The following GABRB1 variants were observed in gnomAD, a reference collection of about 807,000 sequenced individuals.
The protein encoded by GABRB1 is gamma-aminobutyric acid receptor subunit beta-1.
Under a neutral mutation model 51.6 loss-of-function variants are expected in GABRB1, and 17 were observed. The observed-to-expected ratio is 0.33, with a 90% CI of 0.23 to 0.49. The LOEUF (loss-of-function observed/expected upper bound fraction) is 0.49, where lower values mean the gene tolerates loss of function less well. Ranked by LOEUF, GABRB1 falls within the 20% of genes least tolerant of loss-of-function variation. The pLI, the probability that GABRB1 is intolerant of heterozygous loss-of-function variation, is 0.99. For missense variants in GABRB1, 410 were observed against 600.6 expected (o/e 0.68, Z 3.32); for synonymous variants, 247 against 218.9 (o/e 1.13, Z -1.14).
intron 1 of GABRB1, among the ~76,000 whole-genome samples, chr4:47,002,026 G>A (rs1036056557): frequency 6.6e-6 from 1 of 152,094 alleles, no homozygotes; most frequent in Admixed American, 6.5e-5. Flanking sequence ...CATGATATGT[G>A]AACCATTATA....
chr4:47,330,726 AT>A (rs1725448457), intron 5 of GABRB1, among the ~76,000 whole-genome samples: 1 of 152,184 alleles, frequency 6.6e-6, no homozygotes, highest in Non-Finnish European at 1.5e-5. Context: ...AGTTTATTAA[AT>A]TTAGTTACAT....
chr4:47,245,808 G>A (rs796328653), intron 4 of GABRB1, among the ~76,000 whole-genome samples: 34 of 147,466 alleles, frequency 2.3e-4, no homozygotes, highest in African/African-American at 7.2e-4. Context: ...TGGTCTTTTC[G>A]TTTTTCTTTT....
At chr4:47,272,760 A>G (rs915987732) in intron 4 of GABRB1, among the ~76,000 whole-genome samples, 5 of 152,178 alleles carry the variant, frequency 3.3e-5, no homozygotes, top group African/African-American at 1.2e-4. Context: ...AAATTTATTT[A>G]ACTACTAATC....
At chr4:47,043,835 C>A (rs1396954903) in intron 3 of GABRB1, among the ~76,000 whole-genome samples, 1 of 152,042 alleles carries the variant, frequency 6.6e-6, no homozygotes, top group African/African-American at 2.4e-5. Context: ...TTGATTCCTG[C>A]AGAAATGTAG....
At chr4:47,261,389 A>G (rs1467990432) in intron 4 of GABRB1, among the ~76,000 whole-genome samples, 1 of 152,200 alleles carries the variant, frequency 6.6e-6, no homozygotes, top group Non-Finnish European at 1.5e-5. Context: ...GCATTCTTAT[A>G]CACCAATAAC....
intron 5 of GABRB1, among the ~76,000 whole-genome samples, chr4:47,323,639 A>G (rs944842715): frequency 6.6e-6 from 1 of 152,174 alleles, no homozygotes; most frequent in African/African-American, 2.4e-5. Flanking sequence ...GTAAGATTGA[A>G]CCAATCGTAC....
At chr4:47,313,079 T>C (rs10014529) in intron 4 of GABRB1, among the ~76,000 whole-genome samples, 150,217 of 152,280 alleles carry the variant, frequency 0.99, 74,101 homozygotes, top group East Asian at 1. Context: ...CATGAGACCA[T>C]AGTTTCTAAC....
At chr4:47,279,644 T>G (rs1400329106) in intron 4 of GABRB1, among the ~76,000 whole-genome samples, 1 of 152,134 alleles carries the variant, frequency 6.6e-6, no homozygotes, top group Admixed American at 6.6e-5. Context: ...AAGTAACCCC[T>G]GATTATATAA....
intron 5 of GABRB1, among the ~76,000 whole-genome samples, chr4:47,322,235 A>G (rs1468528178): frequency 3.3e-5 from 5 of 152,220 alleles, no homozygotes; most frequent in Admixed American, 3.3e-4. Flanking sequence ...GCAGTTTAGC[A>G]AGATGCAACT....
chr4:47,021,821 T>C lies in GABRB1; in HGVS notation c.-19-10093T>C, dbSNP rs1426800433. On this transcript the variant is annotated intron_variant, in intron 1 of 3. Coordinates refer to the GABRB1 transcript ENST00000513567. Reference sequence around the variant, plus strand: ...TACTTTTCCCATCTGCTCCTCCTTTTAAGAAATCAAAAAAATAATAATATT... The same window carrying C: ...TACTTTTCCCATCTGCTCCTCCTTTCAAGAAATCAAAAAAATAATAATATT... 9.2e-5 allele frequency among the ~76,000 whole-genome samples: 14 copies of C among 152,034 alleles called. No individual in the cohort carries two copies. The East Asian group carries it at 2.7e-3, about 29-fold the overall frequency.
chr4:47,203,682 G>T (rs183575597), intron 4 of GABRB1, among the ~76,000 whole-genome samples: 4 of 152,038 alleles, frequency 2.6e-5, no homozygotes, highest in Admixed American at 6.6e-5. Flanking sequence ...CACAGGGATG[G>T]CACACAGCAT....
intron 4 of GABRB1, among the ~76,000 whole-genome samples, chr4:47,231,719 T>C (rs764990139): frequency 4.6e-5 from 7 of 152,360 alleles, no homozygotes; most frequent in Middle Eastern, 6.8e-3. Context: ...GCTTACACCA[T>C]GCCTGGAACA....
rs565512184 is a variant in GABRB1, at chr4:47,117,732, TC to T, written c.241-43516del. 2.6e-4 allele frequency among the ~76,000 whole-genome samples: 39 copies of T among 152,340 alleles called. No homozygotes were observed. The East Asian group carries it at 6.9e-3, about 27-fold the overall frequency. On this transcript the variant is annotated intron_variant, in intron 3 of 8. Transcript: ENST00000295454. ...TAAAATACTGTTGAATTTCAAAATA[TC>T]TTTTTATATAATAAAGGTTGGTTAT...
At chr4:47,407,457 G>A (rs1360924107) in intron 8 of GABRB1, among the ~76,000 whole-genome samples, 2 of 152,140 alleles carry the variant, frequency 1.3e-5, no homozygotes, top group African/African-American at 4.8e-5. Flanking sequence ...TAAGAACTCT[G>A]TTTTTCTCAT....
Position 47,161,338 on chromosome 4 carries a change from T to C in GABRB1, c.330T>C (p.Asn110=), listed in dbSNP as rs1382573587. Residue 110 remains asparagine, a synonymous_variant, in exon 4 of 9, where the codon AAT becomes AAC. Transcript: ENST00000295454. ...SGIPLNLTLD[N]RVADQLWVPD... The stretch of plus-strand genomic sequence containing the variant: ...TCCCACTGAACCTCACCCTAGACAA[T>C]AGGGTAGCTGACCAACTCTGGGTAC... 11 of 1,612,040 alleles carry C rather than the reference T, an allele frequency of 6.8e-6. No homozygotes were observed. The highest frequency in any genetic ancestry group is 1.6e-4 in the Middle Eastern group (1 of 6,072).
intron 7 of GABRB1, among the ~76,000 whole-genome samples, chr4:47,406,142 T>C (rs1728557463): frequency 6.6e-6 from 1 of 152,204 alleles, no homozygotes; most frequent in Non-Finnish European, 1.5e-5. Context: ...CTTTTGGTGA[T>C]GTTTTGCTAA....
At chr4:47,333,003 G>A (rs1055749338) in intron 5 of GABRB1, among the ~76,000 whole-genome samples, 2 of 150,670 alleles carry the variant, frequency 1.3e-5, no homozygotes, top group African/African-American at 4.9e-5. Context: ...AGAATTAAGT[G>A]CTCCAGCTTA....
chr4:47,143,259 A>T (rs1362554928), intron 3 of GABRB1, among the ~76,000 whole-genome samples: 2 of 151,898 alleles, frequency 1.3e-5, no homozygotes, highest in Non-Finnish European at 2.9e-5. Flanking sequence ...TCTCTATTTT[A>T]ACATGCCACT....
At chr4:47,064,237 A>T (rs1383937808) in intron 3 of GABRB1, among the ~76,000 whole-genome samples, 1 of 151,988 alleles carries the variant, frequency 6.6e-6, no homozygotes, top group Non-Finnish European at 1.5e-5. Context: ...TCCTGCTCTG[A>T]CTCAGATCTC....
Sources: gnomAD v4.1 joint callset for allele counts (sites outside exome capture counted in the v4.1 genomes callset) on GRCh38, gnomAD v4.1.1 for gene constraint, MANE v1.5 for transcripts, NCBI Gene and HGNC (gene_info 2026-07-23, HGNC 2026-07-21) for gene names.